Variants in IRF2 observed in about 807,000 individuals in gnomAD.
IRF2 encodes the protein interferon regulatory factor 2.
In IRF2, 15 loss-of-function variants were observed where a neutral mutation model predicts 40.6. That is an observed-to-expected ratio of 0.37 (90% CI 0.25 to 0.57). The LOEUF (loss-of-function observed/expected upper bound fraction) is 0.57. IRF2 is among the 20% of genes least tolerant of loss of function. The probability of loss-of-function intolerance (pLI) is 0.77; values close to 1 mark genes in which losing one functional copy is unlikely to be tolerated. For missense variants in IRF2, 317 were observed against 455.7 expected (o/e 0.70, Z 2.77); for synonymous variants, 151 against 165.5 (o/e 0.91, Z 0.67).
intron 5 of IRF2, among the ~76,000 whole-genome samples, chr4:184,410,253 G>A (rs1301436266): frequency 1.3e-5 from 2 of 152,218 alleles, no homozygotes; most frequent in African/African-American, 4.8e-5. Flanking sequence ...TGTAAACTGA[G>A]GACAATAATA....
intron 6 of IRF2, among the ~76,000 whole-genome samples, chr4:184,402,170 C>T (rs972352593): frequency 6.6e-5 from 10 of 152,044 alleles, no homozygotes; most frequent in Non-Finnish European, 1.0e-4. Flanking sequence ...AGTTTAAGGC[C>T]GTGAGCACTG....
chr4:184,425,984 T>G (rs1245673832), intron 2 of IRF2, among the ~76,000 whole-genome samples: 1 of 50,016 alleles, frequency 2.0e-5, no homozygotes, highest in East Asian at 6.1e-4. Flanking sequence ...CGGTTTTTGT[T>G]TGTTTGTTTG....
intron 1 of IRF2, among the ~76,000 whole-genome samples, chr4:184,473,380 G>GCCGGGGGCGCCTGCGGGGAC (rs1246731160): frequency 9.5e-5 from 14 of 147,662 alleles, no homozygotes; most frequent in African/African-American, 3.4e-4. Context: ...CGCGAGGCCG[G>GCCGGGGGCGCCTGCGGGGAC]CCGGGGGCGC....
chr4:184,434,180 A>C (rs1174702230), intron 1 of IRF2, among the ~76,000 whole-genome samples: 1 of 152,222 alleles, frequency 6.6e-6, no homozygotes, highest in Non-Finnish European at 1.5e-5. Context: ...GAGTTAGAGA[A>C]GGCAGGTAGC....
intron 2 of IRF2, among the ~76,000 whole-genome samples, chr4:184,426,182 A>ATTT (rs1737667193): frequency 6.6e-6 from 1 of 152,026 alleles, no homozygotes; most frequent in South Asian, 2.1e-4. Context: ...CACCCAGCTA[A>ATTT]TTTTTGTGTT....
intron 1 of IRF2, among the ~76,000 whole-genome samples, chr4:184,442,031 C>T (rs1281408485): frequency 6.6e-6 from 1 of 152,064 alleles, no homozygotes; most frequent in Non-Finnish European, 1.5e-5. Context: ...GCACTGGGAG[C>T]CTGTGTGGAA....
intron 2 of IRF2, among the ~76,000 whole-genome samples, chr4:184,420,186 T>A (rs1039027461): frequency 6.6e-6 from 1 of 152,174 alleles, no homozygotes; most frequent in South Asian, 2.1e-4. Context: ...CTTTTTTTTA[T>A]AAAACCACAG....
At chr4:184,460,436 A>C (rs1358013093) in intron 1 of IRF2, among the ~76,000 whole-genome samples, 1 of 152,234 alleles carries the variant, frequency 6.6e-6, no homozygotes, top group East Asian at 1.9e-4. Flanking sequence ...TAACGTCACC[A>C]AATTATACAC....
chr4:184,408,823 G>A lies in IRF2; in HGVS notation c.412-548C>T, dbSNP rs544045350. The stretch of plus-strand genomic sequence containing the variant: ...GGCCACCTGAGGCCCTGCATTGGAT[G>A]GCTGGCTGATCACCCTGGCCTGAGT... On this transcript the variant is annotated intron_variant, in intron 5 of 8. Transcript: ENST00000393593. This position sits in a 1 kb window ranked among gnomAD's most constrained non-coding sequence, Gnocchi z 4.9. 3.3e-5 allele frequency among the ~76,000 whole-genome samples: 5 copies of A among 152,340 alleles called. No individual in the cohort carries two copies. In the South Asian group the frequency reaches 8.3e-4, roughly 25 times the overall value.
intron 1 of IRF2, among the ~76,000 whole-genome samples, chr4:184,453,983 T>C (rs1738823114): frequency 6.6e-6 from 1 of 152,160 alleles, no homozygotes; most frequent in Non-Finnish European, 1.5e-5. Context: ...AGAAAACCTA[T>C]TTGCATAGAG....
intron 1 of IRF2, among the ~76,000 whole-genome samples, chr4:184,451,986 A>G (rs2553533): frequency 0.98 from 148,756 of 152,322 alleles, 72,747 homozygotes; most frequent in Middle Eastern, 1. Context: ...GGGTTGCACC[A>G]ATAAAAACAT....
At chr4:184,439,827 C>A (rs1738234986) in intron 1 of IRF2, among the ~76,000 whole-genome samples, 1 of 152,192 alleles carries the variant, frequency 6.6e-6, no homozygotes, top group Non-Finnish European at 1.5e-5. Flanking sequence ...AGCAAACTGA[C>A]TTGGGGCCCC....
Position 184,408,353 on chromosome 4 carries a change from C to A in IRF2, c.412-78G>T. ...CTCTTAGCTGAAATTCTACCCTCTG[C>A]CTACTTTCTTTAATGCTAGGGTCAT... On this transcript the variant is annotated intron_variant, in intron 5 of 8. Coordinates refer to ENST00000393593, the MANE Select transcript of IRF2 (RefSeq NM_002199.4). The surrounding 1 kb of genome is among the most constrained non-coding windows in gnomAD (Gnocchi z 4.9). 1.1e-6 allele frequency: 1 copy of A among 899,568 alleles called. No individual in the cohort carries two copies. The highest frequency in any genetic ancestry group is 1.8e-6 in the Non-Finnish European group (1 of 542,396). 55.7% of individuals were successfully genotyped at this position (899,568 alleles called of 1,614,324 possible).
At chr4:184,400,100 A>G (rs1736613178) in intron 6 of IRF2, among the ~76,000 whole-genome samples, 1 of 152,170 alleles carries the variant, frequency 6.6e-6, no homozygotes, top group Non-Finnish European at 1.5e-5. Flanking sequence ...GTGCAATTTT[A>G]TCACACATAA....
intron 1 of IRF2, among the ~76,000 whole-genome samples, chr4:184,436,990 A>C (rs892871654): frequency 6.6e-6 from 1 of 152,106 alleles, no homozygotes. Flanking sequence ...GGTTCAAGAG[A>C]GCCTCTCACC....
intron 7 of IRF2, among the ~76,000 whole-genome samples, chr4:184,396,665 G>C (rs1368184233): frequency 1.3e-5 from 2 of 151,644 alleles, no homozygotes; most frequent in African/African-American, 4.8e-5. Flanking sequence ...CCAATTTCCG[G>C]GCTCAAGTGA....
chr4:184,452,461 TG>T (rs1163638450), intron 1 of IRF2, among the ~76,000 whole-genome samples: 2 of 152,106 alleles, frequency 1.3e-5, no homozygotes, highest in South Asian at 2.1e-4. Context: ...CCGGCTGCCA[TG>T]GAAGTGCAGA....
chr4:184,453,953 C>A (rs1360934357), intron 1 of IRF2, among the ~76,000 whole-genome samples: 1 of 152,210 alleles, frequency 6.6e-6, no homozygotes, highest in Non-Finnish European at 1.5e-5. Flanking sequence ...AAAGAGCCAG[C>A]ATACTGGAAC....
At chr4:184,458,887 T>G (rs1245097708) in intron 1 of IRF2, among the ~76,000 whole-genome samples, 1 of 152,228 alleles carries the variant, frequency 6.6e-6, no homozygotes, top group Non-Finnish European at 1.5e-5. Context: ...AATGAATGGC[T>G]TCTCCTGCTG....
Sources: allele counts gnomAD v4.1 joint callset (sites outside exome capture counted in the v4.1 genomes callset), GRCh38; gene constraint gnomAD v4.1.1; non-coding constraint Gnocchi (gnomAD v3.1); transcripts MANE v1.5; gene names NCBI Gene and HGNC (gene_info 2026-07-23, HGNC 2026-07-21).